TTC28: variants seen among roughly 807,000 people sequenced by gnomAD.
TTC28 encodes tetratricopeptide repeat protein 28.
In TTC28, 61 loss-of-function variants were observed where a neutral mutation model predicts 198.0. That is an observed-to-expected ratio of 0.31 (90% CI 0.25 to 0.38). The LOEUF is 0.38. TTC28 is among the 10% of genes least tolerant of loss of function. TTC28 has a pLI of 1.00. For synonymous variants in TTC28, 1,171 were observed against 1,297.8 expected, an observed-to-expected ratio of 0.90 and a Z score of 2.10; for missense variants, 2,678 against 3,164.0, an observed-to-expected ratio of 0.85 and a Z score of 3.69.
intron 2 of TTC28, among the ~76,000 whole-genome samples, chr22:28,475,095 A>G (rs2048143801): frequency 7.2e-6 from 1 of 139,680 alleles, no homozygotes; most frequent in Non-Finnish European, 1.5e-5. Context: ...GCTTGCAGTG[A>G]GCCAAGATTG....
In TTC28 at chr22:27,983,715, G is replaced by T. The variant is rs760382704; in HGVS notation, c.5952C>A (p.Ser1984Arg). Residue 1984 changes from serine (S) to arginine (R), a missense_variant, in exon 23 of 23, where the codon AGC becomes AGA. By Grantham distance (110) the Ser-to-Arg change is moderately radical. This residue lies in a region of TTC28 where 622 missense variants were observed against 656.0 expected (regional missense o/e 0.95). Coordinates refer to ENST00000397906, the MANE Select transcript of TTC28 (RefSeq NM_001145418.2). ...QPPFSPTGAD[S>R]IASDAISVYS... is the part of the protein sequence containing the mutation. ...ACACAGAGATGGCATCTGAGGCGAT[G>T]CTGTCCGCACCGGTGGGAGAGAAGG... 1.9e-6 allele frequency: 3 copies of T among 1,551,416 alleles called. No individual in the cohort carries two copies. The highest frequency in any genetic ancestry group is 4.9e-5 in the East Asian group (2 of 40,898).
At position 28,107,434 on chromosome 22, in the gene TTC28, T is replaced by C; in HGVS notation, c.2411A>G (p.Tyr804Cys). 1.9e-6 allele frequency: 3 copies of C among 1,551,756 alleles called. No homozygotes were observed. Among genetic ancestry groups the C allele is most frequent in the East Asian group, 2.4e-5 (1 of 40,910 alleles). Residue 804 changes from tyrosine to cysteine, a missense_variant, in exon 7 of 23, where the codon TAC becomes TGC. Physicochemically the swap from Tyr to Cys is radical, Grantham distance 194. Transcript: ENST00000397906. ...CRAHGHLAAV[Y>C]MALGKYTMAF... ...CATTGTGTATTTCCCAAGGGCCATG[T>C]AGACAGCAGCCAGGTGCCCATGAGC...
chr22:28,377,706 C>T (rs940909833), intron 2 of TTC28, among the ~76,000 whole-genome samples: 1 of 152,098 alleles, frequency 6.6e-6, no homozygotes, highest in Non-Finnish European at 1.5e-5. Flanking sequence ...AAGGATCAAA[C>T]CATCTCCAAG....
At chr22:28,590,420 C>T (rs987345816) in intron 2 of TTC28, among the ~76,000 whole-genome samples, 1 of 152,072 alleles carries the variant, frequency 6.6e-6, no homozygotes, top group Admixed American at 6.5e-5. Context: ...TGAGCCACCA[C>T]GCCCAGCCTC....
intron 13 of TTC28, among the ~76,000 whole-genome samples, chr22:28,029,622 C>G (rs143540801): frequency 5.3e-5 from 8 of 152,316 alleles, no homozygotes; most frequent in South Asian, 2.1e-4. Context: ...TCAGGTGTCA[C>G]TCCTAAGAAA....
chr22:27,996,381 G>T, intron 16 of TTC28, 122 bp from the exon 17 acceptor site: 1 of 1,418,368 alleles, frequency 7.1e-7, no homozygotes, highest in Non-Finnish European at 9.4e-7. Flanking sequence ...CCTGGCAGGG[G>T]AGCAGCTCAC....
intron 2 of TTC28, among the ~76,000 whole-genome samples, chr22:28,448,964 T>A (rs1040857440): frequency 1.3e-5 from 2 of 152,098 alleles, no homozygotes; most frequent in Non-Finnish European, 2.9e-5. Context: ...ATGAACCAGA[T>A]GATTTTGCCC....
intron 22 of TTC28, among the ~76,000 whole-genome samples, chr22:27,984,080 C>G (rs1937120854): frequency 6.6e-6 from 1 of 152,080 alleles, no homozygotes; most frequent in Non-Finnish European, 1.5e-5. Context: ...CACCCCAGAC[C>G]CACCATGGCC....
chr22:28,331,667 C>T (rs887081520), intron 2 of TTC28, among the ~76,000 whole-genome samples: 1 of 152,078 alleles, frequency 6.6e-6, no homozygotes, highest in Non-Finnish European at 1.5e-5. Context: ...TGACCACTTC[C>T]AAATGTATTC....
intron 2 of TTC28, among the ~76,000 whole-genome samples, chr22:28,618,560 T>C (rs2050939521): frequency 6.6e-6 from 1 of 151,310 alleles, no homozygotes; most frequent in Non-Finnish European, 1.5e-5. Flanking sequence ...CGCATGCCTG[T>C]AATCCCAGCT....
Position 28,339,098 on chromosome 22 carries a change from G to C in TTC28, c.382-32455C>G, listed in dbSNP as rs1347770241. Among the ~76,000 whole-genome samples, 4 of 152,334 alleles carry C rather than the reference G, an allele frequency of 2.6e-5. No homozygotes were observed. In the East Asian group the frequency reaches 7.7e-4, roughly 29 times the overall value. On this transcript the variant is annotated intron_variant, in intron 2 of 22. Transcript: ENST00000397906. ...TGTTAGTTTTCCTTCTAACAGTCAGGACTCTCAGCTGCAGGTCTGTTGGAG... is the reference window on the plus strand; with the variant it reads ...TGTTAGTTTTCCTTCTAACAGTCAGCACTCTCAGCTGCAGGTCTGTTGGAG...
intron 12 of TTC28, among the ~76,000 whole-genome samples, chr22:28,081,539 C>T (rs906859081): frequency 6.7e-6 from 1 of 148,156 alleles, no homozygotes; most frequent in African/African-American, 2.5e-5. Context: ...ATTGCCTAGG[C>T]TGGAGTGCAG....
intron 2 of TTC28, among the ~76,000 whole-genome samples, chr22:28,614,545 A>G (rs1017248796): frequency 6.6e-6 from 1 of 152,210 alleles, no homozygotes; most frequent in Admixed American, 6.5e-5. Context: ...TTCAAACTAT[A>G]CTACAAGGCT....
chr22:28,427,716 A>G (rs1367787856), intron 2 of TTC28, among the ~76,000 whole-genome samples: 2 of 152,224 alleles, frequency 1.3e-5, no homozygotes, highest in African/African-American at 2.4e-5. Context: ...ATCTAATCCA[A>G]AAACAAAGGT....
chr22:28,311,866 A>G (rs1249420853), intron 2 of TTC28, among the ~76,000 whole-genome samples: 2 of 151,968 alleles, frequency 1.3e-5, no homozygotes, highest in African/African-American at 2.4e-5. Flanking sequence ...CTCTATCTCC[A>G]TAAGTACAAT....
At chr22:28,451,912 T>C (rs2047783577) in intron 2 of TTC28, among the ~76,000 whole-genome samples, 1 of 152,192 alleles carries the variant, frequency 6.6e-6, no homozygotes, top group Non-Finnish European at 1.5e-5. Context: ...CTGGAATAGA[T>C]TCAGTGGTCA....
chr22:28,486,593 T>G (rs2048317912), intron 2 of TTC28, among the ~76,000 whole-genome samples: 1 of 152,122 alleles, frequency 6.6e-6, no homozygotes, highest in Non-Finnish European at 1.5e-5. Flanking sequence ...AAGTGCCAAA[T>G]GAAAATGGTA....
Position 27,980,271 on chromosome 22 carries a change from C to T in TTC28, c.*1950G>A, listed in dbSNP as rs1936967554. 1 of 152,188 alleles carries T rather than the reference C, an allele frequency of 6.6e-6. No individual in the cohort carries two copies. Among genetic ancestry groups the T allele is most frequent in the Non-Finnish European group, 1.5e-5 (1 of 68,014 alleles). 9.4% of individuals were successfully genotyped at this position (152,188 alleles called of 1,614,324 possible). On this transcript the variant is annotated 3_prime_UTR_variant, in exon 23 of 23. Transcript: ENST00000397906. ...CTATAAATTTGGTCTTCACTTGCTA[C>T]ACTGGTACTTTTATTACCATTTTTT...
chr22:28,592,749 C>G (rs762111551), intron 2 of TTC28, among the ~76,000 whole-genome samples: 1 of 152,166 alleles, frequency 6.6e-6, no homozygotes, highest in Non-Finnish European at 1.5e-5. Flanking sequence ...CACTGACTCT[C>G]TTGATTCTCC....
Sources: gnomAD v4.1 joint callset for allele counts (sites outside exome capture counted in the v4.1 genomes callset) on GRCh38, gnomAD v4.1.1 for gene constraint, gnomAD v4.1.1 regional missense constraint, MANE v1.5 for transcripts, NCBI Gene and HGNC (gene_info 2026-07-23, HGNC 2026-07-21) for gene names.